The following S1PR3 variants were observed in gnomAD, a reference collection of about 807,000 sequenced individuals.
S1PR3 encodes sphingosine 1-phosphate receptor 3.
Under a neutral mutation model 13.3 loss-of-function variants are expected in S1PR3, and 12 were observed. The ratio of observed to expected loss-of-function variants is 0.90; its 90% CI spans 0.58 to 1.46. The LOEUF (loss-of-function observed/expected upper bound fraction) is 1.46, where lower values mean the gene tolerates loss of function less well. Among genes scored for constraint, S1PR3 ranks in the 40% most tolerant of loss-of-function variants. The pLI is 0.00. For synonymous variants in S1PR3, 232 were observed against 214.0 expected, an observed-to-expected ratio of 1.08 and a Z score of -0.73; for missense variants, 450 against 501.9, an observed-to-expected ratio of 0.90 and a Z score of 0.99.
At chr9:88,997,095 G>C (rs1331200870) in intron 1 of S1PR3, 1 of 152,200 alleles carries the variant, frequency 6.6e-6, no homozygotes, top group Non-Finnish European at 1.5e-5. Context: ...AAGACAGCCA[G>C]ATATCTTCCA....
In S1PR3 at chr9:89,002,611, CTGT is replaced by C. The variant is rs1186382918; in HGVS notation, c.*279_*281del. ...TTCTGCTGCATCCTAGACACCCTCC[CTGT>C]TGTTCACAGAGAGGGAAGGTCGTGG... is the stretch of plus-strand genomic sequence containing the variant. On this transcript the variant is annotated 3_prime_UTR_variant, in exon 2 of 2. Transcript: ENST00000358157. The C allele has an allele frequency of 5.8e-6, 3 of 515,566 alleles. No individual in the cohort carries two copies. Among genetic ancestry groups the C allele is most frequent in the Non-Finnish European group, 1.1e-5 (3 of 278,042 alleles). The allele number at this position is 515,566 out of a possible 1,614,324, so 31.9% of individuals were successfully genotyped here.
At position 89,001,578 on chromosome 9, in the gene S1PR3, C is replaced by A. The variant is rs371960454; in HGVS notation, c.378C>A (p.Thr126=). The A allele has an allele frequency of 6.2e-7, 1 of 1,614,242 alleles. No individual in the cohort carries two copies. Among genetic ancestry groups the A allele is most frequent in the African/African-American group, 1.3e-5 (1 of 75,062 alleles). Residue 126 remains threonine, a synonymous_variant, in exon 2 of 2, where the codon ACC becomes ACA. Coordinates refer to ENST00000358157, the MANE Select transcript of S1PR3 (RefSeq NM_005226.4). ...GSMFVALGAS[T]CSLLAIAIER... is the part of the protein sequence containing the mutation. Reference sequence around the variant, plus strand: ...TGTTCGTGGCCCTTGGGGCGTCCACCTGCAGCTTACTGGCCATCGCCATCG... The same window carrying A: ...TGTTCGTGGCCCTTGGGGCGTCCACATGCAGCTTACTGGCCATCGCCATCG...
rs113563880 is a variant in S1PR3, at chr9:89,002,409, A to G, written c.*72A>G. ...TGCGTCGCTTCCACAGGGGCCCCTC[A>G]AGAGCTGTGACTCGGGAGAGCTACC... On this transcript the variant is annotated 3_prime_UTR_variant, in exon 2 of 2. Coordinates refer to ENST00000358157, the MANE Select transcript of S1PR3 (RefSeq NM_005226.4). The G allele has an allele frequency of 1.1e-5, 17 of 1,519,004 alleles. No individual in the cohort carries two copies. The African/African-American group carries it at 1.4e-4, about 12-fold the overall frequency. The allele number at this position is 1,519,004 out of a possible 1,614,324, so 94.1% of individuals were successfully genotyped here. A position where few individuals can be genotyped will look rare whatever the true frequency, so the allele number is the denominator to read the frequency against.
chr9:88,998,150 T>C (rs1487466631), intron 1 of S1PR3: 1 of 152,136 alleles, frequency 6.6e-6, no homozygotes, highest in Non-Finnish European at 1.5e-5. Context: ...GATTCTCCAG[T>C]TCCTGTTCAC....
At position 89,004,459 on chromosome 9, in the gene S1PR3, C is replaced by G. The variant is rs1462622820; in HGVS notation, c.*2122C>G. The stretch of plus-strand genomic sequence containing the variant: ...AAATGCATCAGAGAGCCAAAACATT[C>G]AGTATTGCATTTTCACATAGGTGAT... On this transcript the variant is annotated 3_prime_UTR_variant, in exon 2 of 2. Transcript: ENST00000358157. 1 of 167,006 alleles carries G rather than the reference C, an allele frequency of 6.0e-6. No individual in the cohort carries two copies. The highest frequency in any genetic ancestry group is 1.9e-4 in the East Asian group (1 of 5,200). 10.3% of individuals were successfully genotyped at this position (167,006 alleles called of 1,614,324 possible).
At chr9:88,996,565 G>A (rs1825805824) in intron 1 of S1PR3, 1 of 152,288 alleles carries the variant, frequency 6.6e-6, no homozygotes, top group Admixed American at 6.5e-5. Context: ...TCACGTGAAG[G>A]TCAGAAGCAG....
intron 1 of S1PR3, chr9:89,000,846 G>A (rs992476181): frequency 6.9e-6 from 2 of 289,230 alleles, no homozygotes; most frequent in Non-Finnish European, 1.3e-5. Flanking sequence ...TTCCCTTCCC[G>A]GCAACTCCAG....
rs1303969742 is a variant in S1PR3 at position 89,003,365 on chromosome 9, G to A, written c.*1028G>A. The A allele has an allele frequency of 6.0e-6, 1 of 167,126 alleles. No homozygotes were observed. The highest frequency in any genetic ancestry group is 1.5e-5 in the Non-Finnish European group (1 of 68,124). The allele number at this position is 167,126 out of a possible 1,614,324, so 10.4% of individuals were successfully genotyped here. A position where few individuals can be genotyped will look rare whatever the true frequency, so the allele number is the denominator to read the frequency against. On this transcript the variant is annotated 3_prime_UTR_variant, in exon 2 of 2. Transcript: ENST00000358157. ...TCCCCCGTGGCATCACAGCTAAGTAGCTGTGGCCACCGGCAGTTTCACAGC... is the reference window on the plus strand; with the variant it reads ...TCCCCCGTGGCATCACAGCTAAGTAACTGTGGCCACCGGCAGTTTCACAGC...
intron 1 of S1PR3, chr9:88,993,688 TC>T (rs1258416592): frequency 1.3e-5 from 2 of 152,254 alleles, no homozygotes; most frequent in Admixed American, 6.5e-5. Context: ...CTGAGTGGAA[TC>T]GTATCTAGTT....
At chr9:88,991,354 G>T (rs1372026737), upstream of S1PR3, 6 of 1,204,434 alleles carry the variant, frequency 5.0e-6, no homozygotes, top group South Asian at 1.4e-5. The surrounding 1 kb of genome is among the most constrained non-coding windows in gnomAD (Gnocchi z 4.0). Context: ...GGCGGGGGAC[G>T]GGGAGAGGGG....
intron 1 of S1PR3, chr9:88,994,333 T>G (rs939995554): frequency 6.0e-6 from 1 of 167,142 alleles, no homozygotes; most frequent in Non-Finnish European, 1.5e-5. Flanking sequence ...GTGGCACGCA[T>G]GCCGAGTCAC....
In S1PR3 at chr9:89,003,615, C is replaced by T. The variant is rs753212479; in HGVS notation, c.*1278C>T. 3.9e-4 allele frequency: 66 copies of T among 167,122 alleles called. No homozygotes were observed. The highest frequency in any genetic ancestry group is 6.8e-3 in the Middle Eastern group (2 of 296). The allele number at this position is 167,122 out of a possible 1,614,324, so 10.4% of individuals were successfully genotyped here. A position where few individuals can be genotyped will look rare whatever the true frequency, so the allele number is the denominator to read the frequency against. On this transcript the variant is annotated 3_prime_UTR_variant, in exon 2 of 2. Transcript: ENST00000358157. ...TACATGCTCTTCCCCAAGGATTGTACGTATTATACAAATAGATGGAAAGAA... is the reference window on the plus strand; with the variant it reads ...TACATGCTCTTCCCCAAGGATTGTATGTATTATACAAATAGATGGAAAGAA...
Position 88,991,869 on chromosome 9 carries a change from G to A in S1PR3, c.-148+174G>A. ...TCCCCCAGAGCCGCTGCAGGAACAG[G>A]GAGGAGGCCTTTTCCACCGCACCCG... On this transcript the variant is annotated intron_variant, in intron 1 of 1. Transcript: ENST00000358157. This position sits in a 1 kb window ranked among gnomAD's most constrained non-coding sequence, Gnocchi z 4.0. 6.2e-7 allele frequency: 1 copy of A among 1,614,200 alleles called. No individual in the cohort carries two copies. Among genetic ancestry groups the A allele is most frequent in the Non-Finnish European group, 8.5e-7 (1 of 1,180,014 alleles).
At chr9:88,996,750 G>A (rs1825807992) in intron 1 of S1PR3, 1 of 152,266 alleles carries the variant, frequency 6.6e-6, no homozygotes, top group Non-Finnish European at 1.5e-5. Flanking sequence ...AGGCCTGCTG[G>A]TGCCTGCAGT....
intron 1 of S1PR3, chr9:88,992,030 C>G: frequency 1.2e-6 from 2 of 1,612,904 alleles, no homozygotes; most frequent in Non-Finnish European, 1.7e-6. Flanking sequence ...GGATGCTGGA[C>G]GTGGGAGAGG....
Position 89,003,376 on chromosome 9 carries a change from C to T in S1PR3, c.*1039C>T, listed in dbSNP as rs982710954. 6 of 167,072 alleles carry T rather than the reference C, an allele frequency of 3.6e-5. No individual in the cohort carries two copies. The highest frequency in any genetic ancestry group is 1.2e-4 in the African/African-American group (5 of 41,438). 10.3% of individuals were successfully genotyped at this position (167,072 alleles called of 1,614,324 possible). Reference sequence around the variant, plus strand: ...ATCACAGCTAAGTAGCTGTGGCCACCGGCAGTTTCACAGCATCCTGAAAGC... The same window carrying T: ...ATCACAGCTAAGTAGCTGTGGCCACTGGCAGTTTCACAGCATCCTGAAAGC... On this transcript the variant is annotated 3_prime_UTR_variant, in exon 2 of 2. Transcript: ENST00000358157.
Position 89,002,414 on chromosome 9 carries a change from C to T in S1PR3, c.*77C>T. The T allele has an allele frequency of 6.6e-7, 1 of 1,505,840 alleles. No individual in the cohort carries two copies. Among genetic ancestry groups the T allele is most frequent in the Non-Finnish European group, 9.0e-7 (1 of 1,114,054 alleles). 93.3% of individuals were successfully genotyped at this position (1,505,840 alleles called of 1,614,324 possible). A position where few individuals can be genotyped will look rare whatever the true frequency, so the allele number is the denominator to read the frequency against. Reference sequence around the variant, plus strand: ...CGCTTCCACAGGGGCCCCTCAAGAGCTGTGACTCGGGAGAGCTACCTTACT... The same window carrying T: ...CGCTTCCACAGGGGCCCCTCAAGAGTTGTGACTCGGGAGAGCTACCTTACT... On this transcript the variant is annotated 3_prime_UTR_variant, in exon 2 of 2. Transcript: ENST00000358157.
At position 89,004,569 on chromosome 9, in the gene S1PR3, CTT is replaced by C. The variant is rs766624114; in HGVS notation, c.*2234_*2235del. On this transcript the variant is annotated 3_prime_UTR_variant, in exon 2 of 2. Coordinates refer to ENST00000358157, the MANE Select transcript of S1PR3 (RefSeq NM_005226.4). The stretch of plus-strand genomic sequence containing the variant: ...CTCTCTGTAGCTATTGTTCATAACA[CTT>C]TGCTCCATAACCCTGATGTCCGCAG... 6.0e-6 allele frequency: 1 copy of C among 167,078 alleles called. No individual in the cohort carries two copies. Among genetic ancestry groups the C allele is most frequent in the Non-Finnish European group, 1.5e-5 (1 of 68,112 alleles). The allele number at this position is 167,078 out of a possible 1,614,324, so 10.3% of individuals were successfully genotyped here. A position where few individuals can be genotyped will look rare whatever the true frequency, so the allele number is the denominator to read the frequency against.
At position 88,991,682 on chromosome 9, in the gene S1PR3, C is replaced by G; in HGVS notation, c.-161C>G. 6.6e-7 allele frequency: 1 copy of G among 1,519,624 alleles called. No individual in the cohort carries two copies. The highest frequency in any genetic ancestry group is 8.8e-7 in the Non-Finnish European group (1 of 1,134,678). 94.1% of individuals were successfully genotyped at this position (1,519,624 alleles called of 1,614,324 possible). A position where few individuals can be genotyped will look rare whatever the true frequency, so the allele number is the denominator to read the frequency against. On this transcript the variant is annotated 5_prime_UTR_variant, in exon 1 of 2. Transcript: ENST00000358157. The surrounding 1 kb of genome is among the most constrained non-coding windows in gnomAD (Gnocchi z 4.0). ...CTAGGATGCCGGTGGCCCCAGCGCC[C>G]TCAGCCGACGGAGGTGAGAGGCGGG...
Sources: allele counts gnomAD v4.1 joint callset, GRCh38; gene constraint gnomAD v4.1.1; non-coding constraint Gnocchi (gnomAD v3.1); transcripts MANE v1.5; gene names NCBI Gene and HGNC (gene_info 2026-07-23, HGNC 2026-07-21).